Variants in AOPEP observed in about 807,000 individuals in gnomAD.
The protein encoded by AOPEP is aminopeptidase O (putative), also known as aminopeptidase O.
AOPEP carries 77 observed loss-of-function variants against 98.1 expected under a neutral mutation model. That is an observed-to-expected ratio of 0.78 (90% CI 0.65 to 0.95). The LOEUF is 0.95. AOPEP is among the 40% of genes least tolerant of loss of function. The pLI is 0.00. For synonymous variants in AOPEP, 346 were observed against 365.3 expected, an observed-to-expected ratio of 0.95 and a Z score of 0.60; for missense variants, 1,024 against 1,024.7, an observed-to-expected ratio of 1.00 and a Z score of 0.01.
chr9:94,961,525 T>G (rs1469824987), intron 9 of AOPEP, among the ~76,000 whole-genome samples: 1 of 152,178 alleles, frequency 6.6e-6, no homozygotes, highest in Non-Finnish European at 1.5e-5. Context: ...AGCAACCCCT[T>G]TATTGTTAGT....
At chr9:94,743,433 G>T (rs1249935737) in intron 1 of AOPEP, among the ~76,000 whole-genome samples, 1 of 152,198 alleles carries the variant, frequency 6.6e-6, no homozygotes, top group Non-Finnish European at 1.5e-5. Flanking sequence ...TAGTGAAGTG[G>T]TGTGATCAGA....
intron 5 of AOPEP, among the ~76,000 whole-genome samples, chr9:94,853,079 G>C: frequency 6.6e-6 from 1 of 152,152 alleles, no homozygotes; most frequent in Non-Finnish European, 1.5e-5. Context: ...ATATGTTGTG[G>C]ATGAGACAAA....
At chr9:95,051,624 GC>G (rs2066373779) in intron 13 of AOPEP, among the ~76,000 whole-genome samples, 1 of 151,948 alleles carries the variant, frequency 6.6e-6, no homozygotes, top group Non-Finnish European at 1.5e-5. Context: ...AATTAAAGAG[GC>G]ATTTTCAGTC....
At chr9:94,783,074 C>A (rs1293550799) in intron 3 of AOPEP, among the ~76,000 whole-genome samples, 3 of 152,144 alleles carry the variant, frequency 2.0e-5, no homozygotes, top group Non-Finnish European at 4.4e-5. Flanking sequence ...GATTTGGTGT[C>A]CAGTTAGCTG....
chr9:94,827,301 A>G (rs1306158208), intron 5 of AOPEP, among the ~76,000 whole-genome samples: 1 of 152,210 alleles, frequency 6.6e-6, no homozygotes, highest in Non-Finnish European at 1.5e-5. Context: ...ACAACTCTGT[A>G]AAGTAAGTTT....
chr9:94,912,459 G>A (rs1243959875), intron 5 of AOPEP, among the ~76,000 whole-genome samples: 1 of 152,148 alleles, frequency 6.6e-6, no homozygotes, highest in Admixed American at 6.5e-5. Context: ...TTCAGTGTGA[G>A]TTGAGTGCGT....
At chr9:94,771,603 C>T (rs60239830) in intron 2 of AOPEP, among the ~76,000 whole-genome samples, 5,789 of 152,234 alleles carry the variant, frequency 0.038, 352 homozygotes, top group African/African-American at 0.13. Context: ...TAGGTTTGGC[C>T]AGTGGGGGCC....
At chr9:94,938,094 C>G (rs1027173166) in intron 7 of AOPEP, among the ~76,000 whole-genome samples, 1 of 152,182 alleles carries the variant, frequency 6.6e-6, no homozygotes, top group Non-Finnish European at 1.5e-5. Context: ...AGAATGGTCT[C>G]GATTTCCTGA....
At chr9:94,786,842 T>C (rs914687664) in intron 3 of AOPEP, among the ~76,000 whole-genome samples, 2 of 152,230 alleles carry the variant, frequency 1.3e-5, no homozygotes, top group African/African-American at 2.4e-5. Flanking sequence ...ATTGGGTTTC[T>C]GGCTGGTTCT....
chr9:94,746,639 A>G (rs547400761), intron 1 of AOPEP, among the ~76,000 whole-genome samples: 3 of 152,242 alleles, frequency 2.0e-5, no homozygotes, highest in South Asian at 2.1e-4. Context: ...ATCACTTCCA[A>G]TCTTATCTTT....
At chr9:94,925,984 C>T (rs1051854757) in intron 6 of AOPEP, among the ~76,000 whole-genome samples, 1 of 152,204 alleles carries the variant, frequency 6.6e-6, no homozygotes, top group African/African-American at 2.4e-5. Context: ...TGTTTCCCTC[C>T]GTCTTACACA....
At position 94,998,037 on chromosome 9, in the gene AOPEP, C is replaced by T. The variant is rs546239403; in HGVS notation, c.1978-7121C>T. Among the ~76,000 whole-genome samples, 26 of 151,976 alleles carry T rather than the reference C, an allele frequency of 1.7e-4. No individual in the cohort carries two copies. In the South Asian group the frequency reaches 5.2e-3, roughly 31 times the overall value. ...GGTTATAATGTCCATGAATATCAAG[C>T]CCTGTAAATAACTGCAGTTGTAACA... is the stretch of plus-strand genomic sequence containing the variant. On this transcript the variant is annotated intron_variant, in intron 11 of 16. Coordinates refer to ENST00000375315, the MANE Select transcript of AOPEP (RefSeq NM_001193329.3).
Position 94,759,808 on chromosome 9 carries a change from A to G in AOPEP, c.25A>G (p.Arg9Gly). MDIQLDPA[R>G]DDLPLMANTS... ...CATGGACATACAGCTGGACCCTGCC[A>G]GAGATGACCTGCCTCTCATGGCCAA... is the stretch of plus-strand genomic sequence containing the variant. Residue 9 changes from arginine (R) to glycine (G), a missense_variant, in exon 2 of 17, where the codon AGA (arginine) becomes GGA (glycine). Coordinates refer to ENST00000375315, the MANE Select transcript of AOPEP (RefSeq NM_001193329.3). The G allele has an allele frequency of 3.1e-6, 5 of 1,614,142 alleles. No individual in the cohort carries two copies. Among genetic ancestry groups the G allele is most frequent in the Non-Finnish European group, 4.2e-6 (5 of 1,180,002 alleles).
intron 13 of AOPEP, among the ~76,000 whole-genome samples, chr9:95,051,160 A>G (rs1397194488): frequency 5.1e-5 from 7 of 137,184 alleles, no homozygotes; most frequent in African/African-American, 1.9e-4. Context: ...CGTGATCTCG[A>G]CTCACTGCAA....
At chr9:94,817,379 A>G (rs780990105) in intron 5 of AOPEP, among the ~76,000 whole-genome samples, 8 of 152,218 alleles carry the variant, frequency 5.3e-5, no homozygotes. Flanking sequence ...GAAAGTTAAC[A>G]TATTCCCTCA....
chr9:95,111,258 C>T, the AOPEP span: 1 of 1,544,782 alleles, frequency 6.5e-7, no homozygotes, highest in East Asian at 2.4e-5. Context: ...AGCGTCTCGT[C>T]TCTGGCCACC....
rs148159931 is a variant in AOPEP, at chr9:94,759,833, A to G, written c.50A>G (p.Asn17Ser). 6.2e-7 allele frequency: 1 copy of G among 1,614,078 alleles called. No homozygotes were observed. Among genetic ancestry groups the G allele is most frequent in the African/African-American group, 1.3e-5 (1 of 74,936 alleles). ...AGAGATGACCTGCCTCTCATGGCCA[A>G]CACCAGCCACATACTTGTGAAGCAC... ...PARDDLPLMA[N>S]TSHILVKHYV... The change falls in exon 2 of 17, where the codon AAC becomes AGC. Residue 17 changes from asparagine (N) to serine (S), a missense_variant. By Grantham distance (46) the Asn-to-Ser change is conservative (BLOSUM62 1). Around this residue, in one of 3 missense-constraint regions of AOPEP, gnomAD observed 440 missense variants for 433.8 expected, o/e 1.01. Coordinates refer to ENST00000375315, the MANE Select transcript of AOPEP (RefSeq NM_001193329.3).
intron 1 of AOPEP, among the ~76,000 whole-genome samples, chr9:94,727,829 C>T (rs911809210): frequency 5.9e-5 from 9 of 152,166 alleles, no homozygotes; most frequent in Non-Finnish European, 7.3e-5. Flanking sequence ...TTACTGTTGG[C>T]CCATCTGCTT....
At chr9:94,838,601 C>T (rs1204077878) in intron 5 of AOPEP, among the ~76,000 whole-genome samples, 1 of 152,122 alleles carries the variant, frequency 6.6e-6, no homozygotes, top group African/African-American at 2.4e-5. Flanking sequence ...TTTTAGAATT[C>T]ACTTGTGTAT....
Sources: allele counts gnomAD v4.1 joint callset (sites outside exome capture counted in the v4.1 genomes callset), GRCh38; gene constraint gnomAD v4.1.1; regional missense constraint gnomAD v4.1.1; transcripts MANE v1.5; gene names NCBI Gene and HGNC (gene_info 2026-07-23, HGNC 2026-07-21).